LOC400499: variants seen among roughly 807,000 people sequenced by gnomAD.
the LOC400499 span, among the ~76,000 whole-genome samples, chr16:11,394,680 T>G: frequency 6.6e-6 from 1 of 152,234 alleles, no homozygotes; most frequent in Non-Finnish European, 1.5e-5. Context: ...CAATGAATGC[T>G]GTCCCTGTGA....
the LOC400499 span, chr16:11,448,893 G>A: frequency 2.8e-6 from 4 of 1,434,694 alleles, no homozygotes; most frequent in South Asian, 5.5e-5. Flanking sequence ...TGGTCTCTTG[G>A]CTGCACGGGC....
At chr16:11,505,440 C>CTTTT in the LOC400499 span, among the ~76,000 whole-genome samples, 2 of 75,332 alleles carry the variant, frequency 2.7e-5, no homozygotes, top group African/African-American at 1.0e-4. Context: ...TTTAATTTTT[C>CTTTT]TTTTCTTTTT....
At chr16:11,402,016 C>T in the LOC400499 span, 5 of 398,996 alleles carry the variant, frequency 1.3e-5, no homozygotes, top group Non-Finnish European at 2.2e-5. Context: ...CCCAGGGTCA[C>T]CTTCCGGCCC....
At chr16:11,471,621 C>A in the LOC400499 span, 1 of 399,114 alleles carries the variant, frequency 2.5e-6, no homozygotes, top group East Asian at 3.6e-5. Context: ...CACAACATGG[C>A]TGAGAAAGAC....
At chr16:11,473,736 CGA>C in the LOC400499 span, among the ~76,000 whole-genome samples, 1 of 145,714 alleles carries the variant, frequency 6.9e-6, no homozygotes, top group Non-Finnish European at 1.5e-5. Flanking sequence ...GCCTGGGCAA[CGA>C]GAGTGAAACT....
chr16:11,462,720 G>A, the LOC400499 span, among the ~76,000 whole-genome samples: 2 of 152,294 alleles, frequency 1.3e-5, no homozygotes, highest in Admixed American at 1.3e-4. Flanking sequence ...ACTGTGCCCA[G>A]CCCTTCCCCA....
chr16:11,403,410 TACAC>T, the LOC400499 span, among the ~76,000 whole-genome samples: 44 of 151,996 alleles, frequency 2.9e-4, no homozygotes, highest in Admixed American at 6.6e-4. Context: ...GTGGCACAAA[TACAC>T]ACACACACAG....
the LOC400499 span, chr16:11,462,172 C>A: frequency 2.6e-6 from 4 of 1,533,906 alleles, no homozygotes; most frequent in Non-Finnish European, 8.7e-7. Flanking sequence ...AGAAGGCCAG[C>A]TTGCTGCCCA....
the LOC400499 span, among the ~76,000 whole-genome samples, chr16:11,401,714 C>T: frequency 6.6e-6 from 1 of 152,200 alleles, no homozygotes; most frequent in Non-Finnish European, 1.5e-5. Flanking sequence ...CTAAGTGCTT[C>T]AATTTCGTCA....
At chr16:11,384,448 C>T in the LOC400499 span, 5 of 461,160 alleles carry the variant, frequency 1.1e-5, no homozygotes, top group East Asian at 1.8e-4. Flanking sequence ...GCAGTAGAGT[C>T]CCACCACCTC....
chr16:11,495,338 G>GCTGCTCC, the LOC400499 span, among the ~76,000 whole-genome samples: 10 of 151,964 alleles, frequency 6.6e-5, no homozygotes, highest in African/African-American at 2.4e-4. Context: ...TCAGGACACA[G>GCTGCTCC]CTGCTCCCTG....
chr16:11,510,315 C>T, the LOC400499 span, among the ~76,000 whole-genome samples: 1 of 151,814 alleles, frequency 6.6e-6, no homozygotes, highest in Admixed American at 6.6e-5. Context: ...CAGGTGCACA[C>T]ATTCATCCAT....
At chr16:11,404,901 A>C in the LOC400499 span, 1 of 398,634 alleles carries the variant, frequency 2.5e-6, no homozygotes, top group Non-Finnish European at 4.4e-6. Flanking sequence ...GGGGAACCCG[A>C]CCCATGCTTC....
chr16:11,499,024 G>C, the LOC400499 span, among the ~76,000 whole-genome samples: 3 of 113,960 alleles, frequency 2.6e-5, no homozygotes, highest in African/African-American at 1.0e-4. Context: ...CACATGAATC[G>C]AACATATGTA....
the LOC400499 span, chr16:11,399,532 G>C: frequency 2.5e-6 from 1 of 398,748 alleles, no homozygotes; most frequent in Non-Finnish European, 4.4e-6. Flanking sequence ...GCTGTTCAAC[G>C]AACACAGCTG....
At chr16:11,380,449 G>C in the LOC400499 span, among the ~76,000 whole-genome samples, 1 of 151,904 alleles carries the variant, frequency 6.6e-6, no homozygotes, top group Non-Finnish European at 1.5e-5. Context: ...GGGTGGTGGC[G>C]CATGCCTGTA....
At chr16:11,469,469 G>C in the LOC400499 span, 1 of 399,128 alleles carries the variant, frequency 2.5e-6, no homozygotes, top group Non-Finnish European at 4.4e-6. Flanking sequence ...GTGGCACCGA[G>C]TGAGGGGCGC....
chr16:11,446,652 A>G, the LOC400499 span: 1 of 1,535,556 alleles, frequency 6.5e-7, no homozygotes, highest in Non-Finnish European at 8.7e-7. Flanking sequence ...AGGGACAACC[A>G]CATACATGTA....
At chr16:11,372,923 C>A in the LOC400499 span, among the ~76,000 whole-genome samples, 4 of 151,846 alleles carry the variant, frequency 2.6e-5, no homozygotes, top group Admixed American at 2.0e-4. Flanking sequence ...TCAATGAGTC[C>A]CCTACAGCTG....
Sources: allele counts gnomAD v4.1 joint callset (sites outside exome capture counted in the v4.1 genomes callset), GRCh38; gene constraint gnomAD v4.1.1; transcripts MANE v1.5.